Variants in SLC35A3 observed in about 807,000 individuals in gnomAD.
The protein encoded by SLC35A3 is UDP-N-acetylglucosamine transporter.
SLC35A3 carries 26 observed loss-of-function variants against 39.0 expected under a neutral mutation model. That is an observed-to-expected ratio of 0.67 (90% CI 0.49 to 0.92). SLC35A3 has a LOEUF of 0.92. Ranked by LOEUF, SLC35A3 falls within the 40% of genes least tolerant of loss-of-function variation. SLC35A3 has a pLI of 0.00. For missense variants in SLC35A3, 299 were observed against 371.6 expected (o/e 0.80, Z 1.61); for synonymous variants, 135 against 133.1 (o/e 1.01, Z -0.10).
rs939872244 is a variant in SLC35A3 at position 100,028,305 on chromosome 1, G to A, written c.*5829G>A. 6.9e-6 allele frequency: 1 copy of A among 145,668 alleles called. No homozygotes were observed. Among genetic ancestry groups the A allele is most frequent in the African/African-American group, 2.7e-5 (1 of 36,366 alleles). 9.0% of individuals were successfully genotyped at this position (145,668 alleles called of 1,614,324 possible). On this transcript the variant is annotated 3_prime_UTR_variant, in exon 8 of 8. Transcript: ENST00000533028. Reference sequence around the variant, plus strand: ...TAATCATACTGGTGGGGTTTTTTGGGGTGTTTTTCTGTTTTGTTTTTTGTT... The same window carrying A: ...TAATCATACTGGTGGGGTTTTTTGGAGTGTTTTTCTGTTTTGTTTTTTGTT...
chr1:99,986,272 C>T (rs541847432), intron 1 of SLC35A3, among the ~76,000 whole-genome samples: 97 of 151,274 alleles, frequency 6.4e-4, no homozygotes, highest in African/African-American at 2.1e-3. Context: ...TCAAGTGATC[C>T]TCTGACTTCA....
Position 99,993,550 on chromosome 1 carries a change from A to C in SLC35A3, c.-5A>C. ...TTTGTTTTTCAGGCAAATGAAGATA[A>C]AACAATGTTCGCCAACCTAAAATAC... is the stretch of plus-strand genomic sequence containing the variant. On this transcript the variant is annotated 5_prime_UTR_variant, in exon 2 of 8. Coordinates refer to ENST00000533028, the MANE Select transcript of SLC35A3 (RefSeq NM_012243.3). The C allele has an allele frequency of 6.2e-7, 1 of 1,613,820 alleles. No individual in the cohort carries two copies. The highest frequency in any genetic ancestry group is 8.5e-7 in the Non-Finnish European group (1 of 1,179,876).
At chr1:99,979,817 G>C (rs1657347461) in intron 1 of SLC35A3, among the ~76,000 whole-genome samples, 1 of 151,860 alleles carries the variant, frequency 6.6e-6, no homozygotes, top group African/African-American at 2.4e-5. Flanking sequence ...GCCGAGGTGG[G>C]TGGATCACCC....
rs1041123076 is a variant in SLC35A3, at chr1:100,029,133, A to C, written c.*6657A>C. ...GGTTGGTTGATTTTTTTGCCCATGTAGTTGTCCTCTCTTTCCAACATCTGC... is the reference window on the plus strand; with the variant it reads ...GGTTGGTTGATTTTTTTGCCCATGTCGTTGTCCTCTCTTTCCAACATCTGC... On this transcript the variant is annotated 3_prime_UTR_variant, in exon 8 of 8. Coordinates refer to ENST00000533028, the MANE Select transcript of SLC35A3 (RefSeq NM_012243.3). 2 of 152,188 alleles carry C rather than the reference A, an allele frequency of 1.3e-5. No individual in the cohort carries two copies. Among genetic ancestry groups the C allele is most frequent in the Non-Finnish European group, 2.9e-5 (2 of 68,062 alleles). The allele number at this position is 152,188 out of a possible 1,614,324, so 9.4% of individuals were successfully genotyped here.
At chr1:100,007,199 T>C in intron 4 of SLC35A3, 43 bp downstream of exon 4, 1 of 1,482,762 alleles carries the variant, frequency 6.7e-7, no homozygotes, top group Non-Finnish European at 9.2e-7. Flanking sequence ...TTTATTGTGG[T>C]TTCAAAACCT....
chr1:99,997,543 A>G (rs1658495111), intron 2 of SLC35A3, among the ~76,000 whole-genome samples: 2 of 143,980 alleles, frequency 1.4e-5, no homozygotes, highest in East Asian at 2.0e-4. Flanking sequence ...AAGATCTAAT[A>G]TATATATTAT....
chr1:100,016,468 G>T (rs1660132977), intron 6 of SLC35A3, among the ~76,000 whole-genome samples: 1 of 150,846 alleles, frequency 6.6e-6, no homozygotes, highest in African/African-American at 2.4e-5. Flanking sequence ...CCGCCTCCTG[G>T]GTTCACGCCA....
intron 2 of SLC35A3, among the ~76,000 whole-genome samples, chr1:99,997,184 G>A (rs891246918): frequency 7.3e-5 from 11 of 151,438 alleles, no homozygotes; most frequent in African/African-American, 2.7e-4. Context: ...AGACTTCCCG[G>A]CTTCCTTGCA....
rs999676311 is a variant in SLC35A3, at chr1:100,032,162, A to T, written c.*9686A>T. 1 of 152,204 alleles carries T rather than the reference A, an allele frequency of 6.6e-6. No individual in the cohort carries two copies. The highest frequency in any genetic ancestry group is 1.5e-5 in the Non-Finnish European group (1 of 68,032). The allele number at this position is 152,204 out of a possible 1,614,324, so 9.4% of individuals were successfully genotyped here. A position where few individuals can be genotyped will look rare whatever the true frequency, so the allele number is the denominator to read the frequency against. ...ACTACCCCATTGTAAAGGTTATTGT[A>T]AAGTTCTCCCTGTGGTAAAGGTCAT... is the stretch of plus-strand genomic sequence containing the variant. On this transcript the variant is annotated 3_prime_UTR_variant, in exon 8 of 8. Transcript: ENST00000533028.
intron 7 of SLC35A3, among the ~76,000 whole-genome samples, chr1:100,020,919 G>A (rs559891811): frequency 2.0e-5 from 3 of 152,082 alleles, no homozygotes; most frequent in Non-Finnish European, 4.4e-5. Context: ...GCATGAAGTG[G>A]GAAGGATGAG....
At chr1:99,988,193 C>G (rs186615853) in intron 1 of SLC35A3, among the ~76,000 whole-genome samples, 21 of 152,226 alleles carry the variant, frequency 1.4e-4, no homozygotes, top group Non-Finnish European at 2.4e-4. Context: ...AACCCCAGCC[C>G]CTATCTGTAG....
At chr1:100,003,689 G>A (rs548566359) in intron 3 of SLC35A3, among the ~76,000 whole-genome samples, 35 of 152,220 alleles carry the variant, frequency 2.3e-4, no homozygotes, top group Admixed American at 2.0e-3. Context: ...TTTATTTCTA[G>A]ATGATATATG....
intron 1 of SLC35A3, among the ~76,000 whole-genome samples, chr1:99,971,813 C>T (rs973388404): frequency 1.3e-5 from 2 of 152,162 alleles, no homozygotes; most frequent in Non-Finnish European, 2.9e-5. Flanking sequence ...AGAAATTCTA[C>T]TTATTCTTCA....
chr1:99,984,867 G>C (rs1009291441), intron 1 of SLC35A3, among the ~76,000 whole-genome samples: 3 of 151,984 alleles, frequency 2.0e-5, no homozygotes. Flanking sequence ...ATGTTTATTG[G>C]CCATTTGTAT....
intron 3 of SLC35A3, among the ~76,000 whole-genome samples, chr1:100,000,025 A>G (rs940331996): frequency 3.3e-5 from 5 of 152,192 alleles, no homozygotes; most frequent in African/African-American, 1.2e-4. Context: ...ATTGTGAACA[A>G]TGCTGCAATA....
At position 100,031,578 on chromosome 1, in the gene SLC35A3, C is replaced by A. The variant is rs915807910; in HGVS notation, c.*9102C>A. On this transcript the variant is annotated 3_prime_UTR_variant, in exon 8 of 8. Coordinates refer to ENST00000533028, the MANE Select transcript of SLC35A3 (RefSeq NM_012243.3). ...CACTCAAGTCCTTAAGGGGAAACCG[C>A]GTATAAGAAAAGTCAGCCCTCCCTA... 2.0e-5 allele frequency: 3 copies of A among 152,036 alleles called. No individual in the cohort carries two copies. Among genetic ancestry groups the A allele is most frequent in the Non-Finnish European group, 4.4e-5 (3 of 68,010 alleles). The allele number at this position is 152,036 out of a possible 1,614,324, so 9.4% of individuals were successfully genotyped here. A position where few individuals can be genotyped will look rare whatever the true frequency, so the allele number is the denominator to read the frequency against.
At chr1:100,002,234 C>T (rs1172720271) in intron 3 of SLC35A3, among the ~76,000 whole-genome samples, 1 of 152,148 alleles carries the variant, frequency 6.6e-6, no homozygotes, top group Non-Finnish European at 1.5e-5. Flanking sequence ...GAATTGAAGC[C>T]ATCCAGTCCT....
chr1:99,982,658 T>A (rs190142705), intron 1 of SLC35A3, among the ~76,000 whole-genome samples: 15 of 152,272 alleles, frequency 9.9e-5, no homozygotes, highest in Admixed American at 6.5e-4. Flanking sequence ...ATTAAATAAT[T>A]ACTGAAAATA....
intron 1 of SLC35A3, among the ~76,000 whole-genome samples, chr1:99,973,427 TGAA>T (rs1360944151): frequency 6.6e-6 from 1 of 152,240 alleles, no homozygotes; most frequent in African/African-American, 2.4e-5. Context: ...TCTCTATTAA[TGAA>T]GGAGTGTAGT....
Sources: allele counts gnomAD v4.1 joint callset (sites outside exome capture counted in the v4.1 genomes callset), GRCh38; gene constraint gnomAD v4.1.1; transcripts MANE v1.5; gene names NCBI Gene and HGNC (gene_info 2026-07-23, HGNC 2026-07-21).